Variants in GALNT1 observed in about 807,000 individuals in gnomAD.
GALNT1 encodes polypeptide N-acetylgalactosaminyltransferase 1.
Under a neutral mutation model 65.7 loss-of-function variants are expected in GALNT1, and 17 were observed. The observed-to-expected ratio is 0.26, with a 90% confidence interval of 0.18 to 0.39. GALNT1 has a LOEUF of 0.39. Among genes scored for constraint, GALNT1 ranks in the 10% least tolerant of loss-of-function variants. The pLI, the probability that GALNT1 is intolerant of heterozygous loss-of-function variation, is 1.00. For synonymous variants in GALNT1, 210 were observed against 219.7 expected, an observed-to-expected ratio of 0.96 and a Z score of 0.39; for missense variants, 460 against 672.8, an observed-to-expected ratio of 0.68 and a Z score of 3.50.
Position 35,679,137 on chromosome 18 carries a change from T to C in GALNT1, c.481+1380T>C, listed in dbSNP as rs571777552. On this transcript the variant is annotated intron_variant, in intron 4 of 11. Transcript: ENST00000269195. ...GTTGACAACAGAAGTATAAACCTTA[T>C]GTGGATAATCTATTTGCTAGGACTT... Among the ~76,000 whole-genome samples, 4 of 152,316 alleles carry C rather than the reference T, an allele frequency of 2.6e-5. No homozygotes were observed. The East Asian group carries it at 5.8e-4, about 22-fold the overall frequency.
intron 11 of GALNT1, among the ~76,000 whole-genome samples, chr18:35,706,721 C>T (rs12967561): frequency 1.3e-5 from 2 of 152,108 alleles, no homozygotes; most frequent in African/African-American, 4.8e-5. Context: ...CTCCCTCTCC[C>T]TGGGCAGAGG....
At chr18:35,594,198 G>A (rs1239834502) in intron 1 of GALNT1, among the ~76,000 whole-genome samples, 2 of 152,076 alleles carry the variant, frequency 1.3e-5, no homozygotes, top group Non-Finnish European at 2.9e-5. Context: ...ATGTGAAAGA[G>A]AAGAGGAGTT....
At chr18:35,585,929 T>G (rs966806315) in intron 1 of GALNT1, among the ~76,000 whole-genome samples, 1 of 152,262 alleles carries the variant, frequency 6.6e-6, no homozygotes, top group African/African-American at 2.4e-5. Flanking sequence ...TGCTGTAAGC[T>G]TTTGTGTATA....
rs183534240 is a variant in GALNT1, at chr18:35,686,746, T to A, written c.690-270T>A. Reference sequence around the variant, plus strand: ...TTAAATATAAAAAACAAAAAAAAAATTTTTTTAATTAGTTGAGTGTGGTGT... The same window carrying A: ...TTAAATATAAAAAACAAAAAAAAAAATTTTTTAATTAGTTGAGTGTGGTGT... On this transcript the variant is annotated intron_variant, in intron 5 of 11. Coordinates refer to ENST00000269195, the MANE Select transcript of GALNT1 (RefSeq NM_020474.4). Among the ~76,000 whole-genome samples, 139 of 151,722 alleles carry A rather than the reference T, an allele frequency of 9.2e-4. No individual in the cohort carries two copies. In the East Asian group the frequency reaches 0.017, roughly 19 times the overall value.
At chr18:35,584,120 G>A (rs2046354005) in intron 1 of GALNT1, among the ~76,000 whole-genome samples, 1 of 152,086 alleles carries the variant, frequency 6.6e-6, no homozygotes, top group South Asian at 2.1e-4. Context: ...TTTCTGTCTT[G>A]TCTGGTTTTC....
intron 1 of GALNT1, among the ~76,000 whole-genome samples, chr18:35,586,642 T>C (rs1240774775): frequency 6.6e-6 from 1 of 152,162 alleles, no homozygotes; most frequent in African/African-American, 2.4e-5. Context: ...TGCGTGTGTC[T>C]ATGGATGTTC....
intron 2 of GALNT1, among the ~76,000 whole-genome samples, chr18:35,655,684 G>A (rs1018297591): frequency 1.3e-5 from 2 of 151,562 alleles, no homozygotes; most frequent in African/African-American, 4.8e-5. Context: ...TAAGCATATA[G>A]CCACATTTAA....
At chr18:35,603,680 ATCATGACT>A (rs897070842) in intron 1 of GALNT1, among the ~76,000 whole-genome samples, 1 of 152,104 alleles carries the variant, frequency 6.6e-6, no homozygotes, top group Admixed American at 6.5e-5. Context: ...TTATCTCCCA[ATCATGACT>A]TCTCTTCTTC....
chr18:35,604,355 C>T (rs2046620666), intron 1 of GALNT1, among the ~76,000 whole-genome samples: 2 of 152,212 alleles, frequency 1.3e-5, no homozygotes, highest in South Asian at 4.2e-4. Flanking sequence ...CATGTCTTTG[C>T]TATTGTGAGT....
At chr18:35,607,851 T>G (rs1414970188) in intron 1 of GALNT1, among the ~76,000 whole-genome samples, 1 of 152,188 alleles carries the variant, frequency 6.6e-6, no homozygotes, top group Non-Finnish European at 1.5e-5. Flanking sequence ...AAGGGTAACT[T>G]GGAACTATAT....
intron 2 of GALNT1, among the ~76,000 whole-genome samples, chr18:35,660,736 A>G (rs1386973368): frequency 6.6e-6 from 1 of 152,206 alleles, no homozygotes; most frequent in East Asian, 1.9e-4. Context: ...TTCACTAACC[A>G]CATGCATTTC....
chr18:35,698,948 C>T (rs1245046349), intron 9 of GALNT1, among the ~76,000 whole-genome samples: 1 of 152,064 alleles, frequency 6.6e-6, no homozygotes, highest in Non-Finnish European at 1.5e-5. Flanking sequence ...CACCATTGCA[C>T]TGCAGCCTGG....
chr18:35,679,140 G>A (rs962529909), intron 4 of GALNT1, among the ~76,000 whole-genome samples: 2 of 151,996 alleles, frequency 1.3e-5, no homozygotes, highest in Admixed American at 6.6e-5. Flanking sequence ...AACCTTATGT[G>A]GATAATCTAT....
intron 11 of GALNT1, among the ~76,000 whole-genome samples, chr18:35,704,546 G>A (rs1378983980): frequency 6.6e-6 from 1 of 151,848 alleles, no homozygotes; most frequent in Non-Finnish European, 1.5e-5. Flanking sequence ...AGGCTCAAGC[G>A]ATCCACCCGC....
intron 6 of GALNT1, 145 bp downstream of exon 6, chr18:35,687,331 ATG>A (rs2144633850): frequency 4.3e-6 from 3 of 692,330 alleles, no homozygotes. Flanking sequence ...TCTTTCACAT[ATG>A]TGAGTGTTTT....
Position 35,692,204 on chromosome 18 carries a change from G to T in GALNT1, c.1183G>T (p.Asp395Tyr). 2 of 1,609,648 alleles carry T rather than the reference G, an allele frequency of 1.2e-6. No homozygotes were observed. Among genetic ancestry groups the T allele is most frequent in the Non-Finnish European group, 1.7e-6 (2 of 1,177,650 alleles). ...SPGVTKVDYG[D>Y]ISSRVGLRHK... is the part of the protein sequence containing the mutation. ...AGGTGTTACAAAGGTAGATTATGGAGATATATCGTCAAGAGTTGGTCTAAG... is the reference window on the plus strand; with the variant it reads ...AGGTGTTACAAAGGTAGATTATGGATATATATCGTCAAGAGTTGGTCTAAG... Residue 395 changes from aspartate (D) to tyrosine (Y), a missense_variant, in exon 9 of 12, where the codon GAT becomes TAT. By Grantham distance (160) the Asp-to-Tyr change is radical. Coordinates refer to ENST00000269195, the MANE Select transcript of GALNT1 (RefSeq NM_020474.4).
intron 2 of GALNT1, among the ~76,000 whole-genome samples, chr18:35,661,494 T>C (rs2047476267): frequency 1.3e-5 from 2 of 150,178 alleles, no homozygotes; most frequent in Admixed American, 1.3e-4. Context: ...AGCGAGACTC[T>C]GTCTTAAAAA....
At chr18:35,704,835 G>A (rs777904783) in intron 11 of GALNT1, among the ~76,000 whole-genome samples, 6 of 149,972 alleles carry the variant, frequency 4.0e-5, no homozygotes, top group African/African-American at 1.5e-4. Flanking sequence ...GTAGAGACAG[G>A]GTTTCTCCAT....
chr18:35,640,740 A>G (rs1304252234), intron 1 of GALNT1, among the ~76,000 whole-genome samples: 1 of 152,188 alleles, frequency 6.6e-6, no homozygotes, highest in African/African-American at 2.4e-5. Context: ...ATAGGGAGAG[A>G]TAGATCAATA....
Sources: allele counts gnomAD v4.1 joint callset (sites outside exome capture counted in the v4.1 genomes callset), GRCh38; gene constraint gnomAD v4.1.1; transcripts MANE v1.5; gene names NCBI Gene and HGNC (gene_info 2026-07-23, HGNC 2026-07-21).